Variants in PITPNM2 observed in about 807,000 individuals in gnomAD.
The protein encoded by PITPNM2 is membrane-associated phosphatidylinositol transfer protein 2.
In PITPNM2, 35 loss-of-function variants were observed where a neutral mutation model predicts 132.2. The observed-to-expected ratio is 0.26, with a 90% confidence interval of 0.20 to 0.35. The LOEUF (loss-of-function observed/expected upper bound fraction) is 0.35, where lower values mean the gene tolerates loss of function less well. Among genes scored for constraint, PITPNM2 ranks in the 10% least tolerant of loss-of-function variants. The probability of loss-of-function intolerance (pLI) is 1.00; values close to 1 mark genes in which losing one functional copy is unlikely to be tolerated. For synonymous variants in PITPNM2, 738 were observed against 799.2 expected (o/e 0.92, Z 1.29); for missense variants, 1,332 against 1,912.0 (o/e 0.70, Z 5.66).
chr12:123,034,148 G>A, intron 3 of PITPNM2: 1 of 205,498 alleles, frequency 4.9e-6, no homozygotes, highest in South Asian at 1.5e-4. Context: ...GAGGAAGTGT[G>A]TTCCTCTACG....
intron 2 of PITPNM2, among the ~76,000 whole-genome samples, chr12:123,069,144 T>C (rs1260859846): frequency 6.6e-6 from 1 of 151,766 alleles, no homozygotes; most frequent in African/African-American, 2.4e-5. Flanking sequence ...AACCAGCTAC[T>C]CAGGGGACTG....
chr12:123,111,730 T>A lies in PITPNM2; in HGVS notation c.-199-1242A>T, dbSNP rs180756841. 4.6e-5 allele frequency among the ~76,000 whole-genome samples: 7 copies of A among 152,294 alleles called. No homozygotes were observed. The highest frequency in any genetic ancestry group is 2.9e-5 in the Non-Finnish European group (2 of 68,008). On this transcript the variant is annotated intron_variant, in intron 1 of 25. Transcript: ENST00000320201. This position sits in a 1 kb window ranked among gnomAD's most constrained non-coding sequence, Gnocchi z 4.1. ...CCAGCCCCTTGTCTCCACGGCTGCA[T>A]GTACACACCCACATACACACTCAAC...
chr12:123,041,171 C>T (rs2040459234), intron 2 of PITPNM2, among the ~76,000 whole-genome samples: 1 of 152,168 alleles, frequency 6.6e-6, no homozygotes, highest in South Asian at 2.1e-4. Flanking sequence ...AAGAACCACC[C>T]CTGCCCAGCT....
At chr12:122,995,037 G>A (rs1594126708) in intron 14 of PITPNM2, 58 bp from the exon 15 acceptor site, 4 of 1,481,842 alleles carry the variant, frequency 2.7e-6, no homozygotes, top group Admixed American at 4.2e-5. Flanking sequence ...CATCTGCCAC[G>A]ACACTGCTGG....
intron 1 of PITPNM2, among the ~76,000 whole-genome samples, chr12:123,147,825 TCTGGGAAAAAGGGGAAGAATA>T (rs1161994842): frequency 6.6e-6 from 1 of 152,164 alleles, no homozygotes; most frequent in Admixed American, 6.5e-5. Flanking sequence ...AACTTCTTTC[TCTGGGAAAAAGGGGAAGAATA>T]CAACCTACCC....
rs1194934302 is a variant in PITPNM2 at position 122,992,476 on chromosome 12, G to A, written c.2404+23C>T. 6.3e-7 allele frequency: 1 copy of A among 1,599,558 alleles called. No homozygotes were observed. Among genetic ancestry groups the A allele is most frequent in the Admixed American group, 1.7e-5 (1 of 58,680 alleles). On this transcript the variant is annotated intron_variant, in intron 16 of 25. Coordinates refer to ENST00000320201, the MANE Select transcript of PITPNM2 (RefSeq NM_020845.3). This position sits in a 1 kb window ranked among gnomAD's most constrained non-coding sequence, Gnocchi z 6.5. ...GCTTACCCCACCTTCCCCCAGAGGA[G>A]TGGGGCGGAATGTGCCTCTCACCCA...
intron 2 of PITPNM2, among the ~76,000 whole-genome samples, chr12:123,074,165 C>T (rs756580192): frequency 2.8e-4 from 42 of 152,220 alleles, no homozygotes; most frequent in African/African-American, 4.6e-4. Context: ...CTCCGAGACT[C>T]GGTCTACTTA....
intron 2 of PITPNM2, among the ~76,000 whole-genome samples, chr12:123,080,908 G>A (rs1456319994): frequency 6.6e-6 from 1 of 152,250 alleles, no homozygotes; most frequent in African/African-American, 2.4e-5. Flanking sequence ...ACTATCCAGT[G>A]CAGCTGCCGT....
rs2136479837 is a variant in PITPNM2 at position 123,036,358 on chromosome 12, C to T, written c.-95-1673G>A. Among the ~76,000 whole-genome samples, 1 of 152,244 alleles carries T rather than the reference C, an allele frequency of 6.6e-6. No homozygotes were observed. The highest frequency in any genetic ancestry group is 2.1e-4 in the South Asian group (1 of 4,822). ...CATCCCTTGTGCTAGCCTAAAACAGCGGCTCCCAGTTGTTTAGTTCACAGC... is the reference window on the plus strand; with the variant it reads ...CATCCCTTGTGCTAGCCTAAAACAGTGGCTCCCAGTTGTTTAGTTCACAGC... On this transcript the variant is annotated intron_variant, in intron 2 of 25. Coordinates refer to ENST00000320201, the MANE Select transcript of PITPNM2 (RefSeq NM_020845.3). The surrounding 1 kb of genome is among the most constrained non-coding windows in gnomAD (Gnocchi z 4.1).
At chr12:122,986,376 C>T in intron 25 of PITPNM2, 26 bp from the exon 26 acceptor site, 1 of 1,576,164 alleles carries the variant, frequency 6.3e-7, no homozygotes, top group Non-Finnish European at 8.6e-7. Flanking sequence ...GGACGGCTGT[C>T]ACAGGCTGGG....
At chr12:122,991,614 C>T (rs1265637175) in intron 16 of PITPNM2, 5 of 929,068 alleles carry the variant, frequency 5.4e-6, no homozygotes, top group African/African-American at 1.7e-5. Flanking sequence ...TCCCCAGAGC[C>T]GTCCTGCCCA....
chr12:122,995,690 A>C (rs908743282), intron 13 of PITPNM2, 30 bp from the exon 14 acceptor site: 4 of 1,552,770 alleles, frequency 2.6e-6, no homozygotes, highest in Non-Finnish European at 3.5e-6. Context: ...GCTCACTGCC[A>C]GGTGGCCGCT....
In PITPNM2 at chr12:122,994,533, T is replaced by A. The variant is rs2038334428; in HGVS notation, c.2233+268A>T. ...ACTCTGGGGTGGTGCCTTCTCTCCC[T>A]GGACCTCAGCTTGCCCATCTAGGGG... is the stretch of plus-strand genomic sequence containing the variant. On this transcript the variant is annotated intron_variant, in intron 15 of 25. Coordinates refer to ENST00000320201, the MANE Select transcript of PITPNM2 (RefSeq NM_020845.3). This position sits in a 1 kb window ranked among gnomAD's most constrained non-coding sequence, Gnocchi z 5.4. Among the ~76,000 whole-genome samples, 1 of 152,160 alleles carries A rather than the reference T, an allele frequency of 6.6e-6. No individual in the cohort carries two copies. Among genetic ancestry groups the A allele is most frequent in the African/African-American group, 2.4e-5 (1 of 41,430 alleles).
intron 2 of PITPNM2, among the ~76,000 whole-genome samples, chr12:123,059,592 G>A (rs913545720): frequency 6.6e-6 from 1 of 152,232 alleles, no homozygotes; most frequent in African/African-American, 2.4e-5. Flanking sequence ...TTCTCTCTTG[G>A]ACAGTGGGAA....
intron 3 of PITPNM2, among the ~76,000 whole-genome samples, chr12:123,017,915 C>T (rs535726303): frequency 2.0e-5 from 3 of 152,088 alleles, no homozygotes; most frequent in Admixed American, 2.0e-4. Flanking sequence ...TCCCTCCCTC[C>T]ATCCATCCCT....
intron 10 of PITPNM2, among the ~76,000 whole-genome samples, chr12:122,998,800 G>T (rs1340337139): frequency 6.6e-6 from 1 of 152,076 alleles, no homozygotes; most frequent in East Asian, 1.9e-4. Context: ...GAGGGCAGGG[G>T]CTGGATCCAG....
At position 122,983,923 on chromosome 12, in the gene PITPNM2, GCCCT is replaced by G. The variant is rs2037827878; in HGVS notation, c.*2100_*2103del. 1 of 152,702 alleles carries G rather than the reference GCCCT, an allele frequency of 6.5e-6. No homozygotes were observed. The highest frequency in any genetic ancestry group is 1.5e-5 in the Non-Finnish European group (1 of 68,066). 9.5% of individuals were successfully genotyped at this position (152,702 alleles called of 1,614,324 possible). A position where few individuals can be genotyped will look rare whatever the true frequency, so the allele number is the denominator to read the frequency against. On this transcript the variant is annotated 3_prime_UTR_variant, in exon 26 of 26. Coordinates refer to ENST00000320201, the MANE Select transcript of PITPNM2 (RefSeq NM_020845.3). ...ATTTTTGGTATTTTTAAAGGACGCT[GCCCT>G]CCCTCTCTTAGTTTCAGAAAGACTG...
intron 2 of PITPNM2, among the ~76,000 whole-genome samples, chr12:123,037,963 A>T (rs977902916): frequency 3.3e-5 from 5 of 151,980 alleles, no homozygotes; most frequent in African/African-American, 1.2e-4. Context: ...CTCCGCTGGG[A>T]TATTTTTGCG....
Position 122,996,898 on chromosome 12 carries a change from G to A in PITPNM2, c.1485C>T (p.Tyr495=). Reference sequence around the variant, plus strand: ...TGGACAGACAGCCTTCGTCATGGCTGTAGGGGCTGAGGCTGGGGAGAGGGG... The same window carrying A: ...TGGACAGACAGCCTTCGTCATGGCTATAGGGGCTGAGGCTGGGGAGAGGGG... ...AFALVSNLSP[Y]SHDEGCLSSS... is the part of the protein sequence containing the mutation. Residue 495 remains tyrosine, a synonymous_variant, in exon 12 of 26, where the codon TAC becomes TAT. Coordinates refer to ENST00000320201, the MANE Select transcript of PITPNM2 (RefSeq NM_020845.3). 6.3e-7 allele frequency: 1 copy of A among 1,578,220 alleles called. No homozygotes were observed. The highest frequency in any genetic ancestry group is 8.6e-7 in the Non-Finnish European group (1 of 1,169,510).
Sources: gnomAD v4.1 joint callset for allele counts (sites outside exome capture counted in the v4.1 genomes callset) on GRCh38, gnomAD v4.1.1 for gene constraint, Gnocchi (gnomAD v3.1) non-coding constraint, MANE v1.5 for transcripts, NCBI Gene and HGNC (gene_info 2026-07-23, HGNC 2026-07-21) for gene names.